PAK1: variants seen among roughly 807,000 people sequenced by gnomAD.
PAK1 encodes p21 (RAC1) activated kinase 1.
Under a neutral mutation model 67.4 loss-of-function variants are expected in PAK1, and 29 were observed. The ratio of observed to expected loss-of-function variants is 0.43; its 90% CI spans 0.32 to 0.59. The LOEUF (loss-of-function observed/expected upper bound fraction) is 0.59, where lower values mean the gene tolerates loss of function less well. Among genes scored for constraint, PAK1 ranks in the 20% least tolerant of loss-of-function variants. PAK1 has a pLI of 0.07. For synonymous variants in PAK1, 223 were observed against 237.4 expected, an observed-to-expected ratio of 0.94 and a Z score of 0.56; for missense variants, 337 against 670.7, an observed-to-expected ratio of 0.50 and a Z score of 5.50.
At chr11:77,387,253 A>G (rs1454142445) in intron 2 of PAK1, among the ~76,000 whole-genome samples, 1 of 151,354 alleles carries the variant, frequency 6.6e-6, no homozygotes, top group Non-Finnish European at 1.5e-5. Flanking sequence ...CTGTATTTTT[A>G]GTAGAGACAG....
chr11:77,394,168 T>G lies in PAK1; in HGVS notation c.-21-1627A>C, dbSNP rs563746276. Among the ~76,000 whole-genome samples, 17 of 152,316 alleles carry G rather than the reference T, an allele frequency of 1.1e-4. 1 individual carries two copies. In the South Asian group the frequency reaches 3.5e-3, roughly 32 times the overall value. Reference sequence around the variant, plus strand: ...CATGCTGCAGTAGAAATTATACATTTAACCATGACTATTTAAAATATAAGC... The same window carrying G: ...CATGCTGCAGTAGAAATTATACATTGAACCATGACTATTTAAAATATAAGC... On this transcript the variant is annotated intron_variant, in intron 1 of 14. Coordinates refer to ENST00000356341, the MANE Select transcript of PAK1 (RefSeq NM_002576.5).
intron 5 of PAK1, among the ~76,000 whole-genome samples, chr11:77,370,671 GTTGAT>G (rs1948309770): frequency 6.6e-6 from 1 of 152,074 alleles, no homozygotes; most frequent in South Asian, 2.1e-4. Flanking sequence ...CCTCACAACA[GTTGAT>G]TTATGTCATG....
chr11:77,506,895 ATGAGAAAGAC>A, the PAK1 span, among the ~76,000 whole-genome samples: 1,935 of 152,288 alleles, frequency 0.013, 36 homozygotes, highest in African/African-American at 0.045. Flanking sequence ...GTGAGATAAT[ATGAGAAAGAC>A]TGAGTTTTGA....
chr11:77,378,244 G>A (rs1291457551), intron 4 of PAK1, among the ~76,000 whole-genome samples: 1 of 152,190 alleles, frequency 6.6e-6, no homozygotes, highest in African/African-American at 2.4e-5. Flanking sequence ...CTGGTCCGCT[G>A]TGGAAGGAGA....
chr11:77,368,682 A>G (rs1947952286), intron 5 of PAK1, among the ~76,000 whole-genome samples: 1 of 152,060 alleles, frequency 6.6e-6, no homozygotes, highest in Non-Finnish European at 1.5e-5. Flanking sequence ...TTTGAGATAC[A>G]GTCCCACTCT....
At chr11:77,501,767 G>A in the PAK1 span, among the ~76,000 whole-genome samples, 1 of 152,204 alleles carries the variant, frequency 6.6e-6, no homozygotes, top group Non-Finnish European at 1.5e-5. Context: ...AAGACATGAA[G>A]AGAGAGCTCA....
intron 1 of PAK1, among the ~76,000 whole-genome samples, chr11:77,469,339 G>T (rs1811275488): frequency 6.6e-6 from 1 of 152,118 alleles, no homozygotes; most frequent in South Asian, 2.1e-4. Context: ...GGGTTAAAAA[G>T]AACATGTTAA....
chr11:77,527,390 A>C, the PAK1 span, among the ~76,000 whole-genome samples: 2 of 152,200 alleles, frequency 1.3e-5, no homozygotes, highest in African/African-American at 4.8e-5. Context: ...GGCCTGTGCC[A>C]CCGTACTGGG....
intron 1 of PAK1, among the ~76,000 whole-genome samples, chr11:77,410,425 G>A (rs114676350): frequency 1.5e-3 from 224 of 152,318 alleles, no homozygotes; most frequent in African/African-American, 5.3e-3. Context: ...TCCTGGGGAA[G>A]ATAGAATTTG....
intron 1 of PAK1, among the ~76,000 whole-genome samples, chr11:77,455,585 C>T (rs1957047259): frequency 6.6e-6 from 1 of 152,234 alleles, no homozygotes; most frequent in East Asian, 1.9e-4. Context: ...CAGCCGGGTC[C>T]ATTTCTTTAA....
chr11:77,402,604 C>T (rs1196855624), intron 1 of PAK1, among the ~76,000 whole-genome samples: 2 of 152,090 alleles, frequency 1.3e-5, no homozygotes, highest in Admixed American at 1.3e-4. Flanking sequence ...GAGGCCCTTA[C>T]AATCGGAGAG....
At chr11:77,360,883 TAAAATCACTGA>T (rs1421181654) in intron 5 of PAK1, among the ~76,000 whole-genome samples, 1 of 152,138 alleles carries the variant, frequency 6.6e-6, no homozygotes, top group Non-Finnish European at 1.5e-5. Flanking sequence ...AAAGTGAGCA[TAAAATCACTGA>T]AAATGGTAAA....
At chr11:77,399,392 G>A (rs1449060449) in intron 1 of PAK1, among the ~76,000 whole-genome samples, 1 of 152,206 alleles carries the variant, frequency 6.6e-6, no homozygotes, top group African/African-American at 2.4e-5. Flanking sequence ...GTGGTATTAA[G>A]AGTAGCAGCT....
At chr11:77,365,270 A>AAAAAAAAAAAAAAAAAAG (rs1947375922) in intron 5 of PAK1, among the ~76,000 whole-genome samples, 3 of 109,478 alleles carry the variant, frequency 2.7e-5, no homozygotes, top group Admixed American at 9.1e-5. Context: ...AAAAAAAAAG[A>AAAAAAAAAAAAAAAAAAG]AAAAAGAAAA....
chr11:77,444,371 C>T (rs1203593713), intron 1 of PAK1, among the ~76,000 whole-genome samples: 5 of 151,466 alleles, frequency 3.3e-5, no homozygotes, highest in South Asian at 2.1e-4. Flanking sequence ...CAGGGTGGGA[C>T]GTGGGTATCA....
At chr11:77,451,544 T>C (rs1251688095) in intron 1 of PAK1, among the ~76,000 whole-genome samples, 1 of 152,230 alleles carries the variant, frequency 6.6e-6, no homozygotes, top group South Asian at 2.1e-4. Context: ...TCCTATGTCA[T>C]GTAAAACTTG....
At chr11:77,399,858 C>CAAAAAAAAAAAAA (rs34662738) in intron 1 of PAK1, among the ~76,000 whole-genome samples, 7 of 42,370 alleles carry the variant, frequency 1.7e-4, no homozygotes, top group African/African-American at 5.4e-4. Flanking sequence ...GACTCCGTCT[C>CAAAAAAAAAAAAA]AAAAAAAAAA....
intron 1 of PAK1, among the ~76,000 whole-genome samples, chr11:77,454,256 T>C (rs1239445223): frequency 6.6e-6 from 1 of 152,108 alleles, no homozygotes; most frequent in Non-Finnish European, 1.5e-5. Flanking sequence ...CGAAGCTCAA[T>C]GAGGTAAAAA....
chr11:77,322,430 C>T lies in PAK1; in HGVS notation c.*844G>A, dbSNP rs1365608310. ...AGAAAAAGGGGCTGAGTTCCTGAAA[C>T]ATCACACAAGTAGAGCTGGACAGGT... On this transcript the variant is annotated 3_prime_UTR_variant, in exon 15 of 15. Coordinates refer to ENST00000356341, the MANE Select transcript of PAK1 (RefSeq NM_002576.5). The T allele has an allele frequency of 5.1e-6, 1 of 195,522 alleles. No individual in the cohort carries two copies. Among genetic ancestry groups the T allele is most frequent in the African/African-American group, 2.3e-5 (1 of 43,242 alleles). The allele number at this position is 195,522 out of a possible 1,614,324, so 12.1% of individuals were successfully genotyped here.
Sources: gnomAD v4.1 joint callset for allele counts (sites outside exome capture counted in the v4.1 genomes callset) on GRCh38, gnomAD v4.1.1 for gene constraint, MANE v1.5 for transcripts, NCBI Gene and HGNC (gene_info 2026-07-23, HGNC 2026-07-21) for gene names.